STPG2: variants seen among roughly 807,000 people sequenced by gnomAD.
The protein encoded by STPG2 is sperm-tail PG-rich repeat-containing protein 2.
Under a neutral mutation model 54.2 loss-of-function variants are expected in STPG2, and 56 were observed. The observed-to-expected ratio is 1.03, with a 90% CI of 0.83 to 1.29. STPG2 has a LOEUF of 1.29. STPG2 is among the 50% of genes most tolerant of loss of function. The pLI, the probability that STPG2 is intolerant of heterozygous loss-of-function variation, is 0.00. For synonymous variants in STPG2, 200 were observed against 181.8 expected (o/e 1.10, Z -0.81); for missense variants, 596 against 544.9 (o/e 1.09, Z -0.93).
In STPG2 at chr4:97,580,910, A is replaced by C. The variant is rs187864452; in HGVS notation, c.1321-21793T>G. Among the ~76,000 whole-genome samples, 472 of 152,212 alleles carry C rather than the reference A, an allele frequency of 3.1e-3. 12 individuals are homozygous for C. Among genetic ancestry groups the C allele is most frequent in the Admixed American group, 0.026 (389 of 15,242 alleles). On this transcript the variant is annotated intron_variant, in intron 10 of 10. Coordinates refer to ENST00000295268, the MANE Select transcript of STPG2 (RefSeq NM_174952.3). The stretch of plus-strand genomic sequence containing the variant: ...CATTTTAAAGCCTGCTTTGTAAAAA[A>C]TATGCGTTCCTTTGCATTTTCCTAT...
At chr4:97,927,246 T>G (rs1732365853) in intron 8 of STPG2, among the ~76,000 whole-genome samples, 1 of 152,132 alleles carries the variant, frequency 6.6e-6, no homozygotes, top group African/African-American at 2.4e-5. Flanking sequence ...GATACAAAGG[T>G]AGCACAAATT....
At chr4:97,536,085 C>A (rs1731522654) in intron 4 of STPG2, among the ~76,000 whole-genome samples, 1 of 152,192 alleles carries the variant, frequency 6.6e-6, no homozygotes, top group Admixed American at 6.5e-5. Context: ...AAATGATCTT[C>A]CTGCCTCAGA....
chr4:97,689,743 T>C (rs1723306314), intron 10 of STPG2, among the ~76,000 whole-genome samples: 1 of 152,136 alleles, frequency 6.6e-6, no homozygotes, highest in Non-Finnish European at 1.5e-5. Context: ...TTTAATCATT[T>C]AATACTATTT....
intron 10 of STPG2, among the ~76,000 whole-genome samples, chr4:97,609,013 T>G (rs962206650): frequency 3.3e-5 from 5 of 152,108 alleles, no homozygotes; most frequent in African/African-American, 4.8e-5. Flanking sequence ...TTATACCATC[T>G]GTTTAGGTTT....
intron 5 of STPG2, among the ~76,000 whole-genome samples, chr4:98,061,036 A>C (rs1374800785): frequency 6.6e-6 from 1 of 152,232 alleles, no homozygotes; most frequent in Admixed American, 6.5e-5. Flanking sequence ...AGATGCCAAA[A>C]GCAATTGCAA....
At chr4:97,583,705 C>G (rs573989900) in intron 10 of STPG2, among the ~76,000 whole-genome samples, 2 of 151,780 alleles carry the variant, frequency 1.3e-5, no homozygotes, top group South Asian at 4.2e-4. Context: ...CAATGGAAAC[C>G]AAAGGTGAGC....
At chr4:97,967,283 G>C (rs1734139832) in intron 7 of STPG2, among the ~76,000 whole-genome samples, 1 of 151,510 alleles carries the variant, frequency 6.6e-6, no homozygotes, top group Admixed American at 6.6e-5. Context: ...ATTACATAAT[G>C]GTAAAGGGAT....
intron 5 of STPG2, among the ~76,000 whole-genome samples, chr4:98,071,617 G>GGT (rs1738005142): frequency 6.6e-6 from 1 of 152,138 alleles, no homozygotes; most frequent in African/African-American, 2.4e-5. Flanking sequence ...TATCATCAGA[G>GGT]TGAATAGACA....
intron 10 of STPG2, among the ~76,000 whole-genome samples, chr4:97,712,253 A>G (rs1724146435): frequency 6.6e-6 from 1 of 152,136 alleles, no homozygotes; most frequent in African/African-American, 2.4e-5. Context: ...AGACACCTTT[A>G]TTTATTATGA....
At chr4:97,757,618 T>C (rs922185820) in intron 9 of STPG2, among the ~76,000 whole-genome samples, 4 of 152,192 alleles carry the variant, frequency 2.6e-5, no homozygotes, top group Admixed American at 2.6e-4. Flanking sequence ...CTTCTTCTGA[T>C]TAATATTAAC....
intron 10 of STPG2, among the ~76,000 whole-genome samples, chr4:97,630,565 T>C (rs986301261): frequency 3.3e-5 from 5 of 151,892 alleles, no homozygotes; most frequent in African/African-American, 1.2e-4. Flanking sequence ...TAAAACACAT[T>C]GCATCTCACA....
chr4:97,969,294 T>C (rs1220705751), intron 7 of STPG2, among the ~76,000 whole-genome samples: 1 of 152,234 alleles, frequency 6.6e-6, no homozygotes, highest in Non-Finnish European at 1.5e-5. Context: ...GCACACACTA[T>C]GTCGTAAATT....
intron 10 of STPG2, among the ~76,000 whole-genome samples, chr4:97,647,179 T>C (rs551941090): frequency 6.6e-6 from 1 of 152,164 alleles, no homozygotes; most frequent in Non-Finnish European, 1.5e-5. Context: ...AAATGCTTGT[T>C]GGGAGCATGG....
intron 5 of STPG2, among the ~76,000 whole-genome samples, chr4:98,083,772 C>T (rs1056607365): frequency 2.6e-5 from 4 of 152,136 alleles, no homozygotes; most frequent in African/African-American, 4.8e-5. Flanking sequence ...TTACCATCAC[C>T]GTAATGAAGA....
At chr4:97,889,435 T>G (rs954169716) in intron 8 of STPG2, among the ~76,000 whole-genome samples, 1 of 152,150 alleles carries the variant, frequency 6.6e-6, no homozygotes, top group Non-Finnish European at 1.5e-5. Flanking sequence ...TATCAGCAGA[T>G]GAACAGATAA....
intron 8 of STPG2, among the ~76,000 whole-genome samples, chr4:97,849,057 G>A (rs1295524054): frequency 6.6e-6 from 1 of 151,256 alleles, no homozygotes; most frequent in Non-Finnish European, 1.5e-5. Context: ...GTAGCTTGAT[G>A]GGGATGGCAT....
At chr4:97,938,952 A>C (rs1479614604) in intron 8 of STPG2, among the ~76,000 whole-genome samples, 4 of 151,666 alleles carry the variant, frequency 2.6e-5, no homozygotes, top group Non-Finnish European at 5.9e-5. Context: ...ATTCAGTACT[A>C]TGAATTTTCC....
At chr4:97,900,419 G>A (rs1179938514) in intron 8 of STPG2, among the ~76,000 whole-genome samples, 4 of 152,054 alleles carry the variant, frequency 2.6e-5, no homozygotes, top group African/African-American at 7.2e-5. Context: ...TCCCATTACC[G>A]GGTATATTCC....
intron 7 of STPG2, among the ~76,000 whole-genome samples, chr4:97,950,529 T>C (rs755766884): frequency 2.9e-4 from 44 of 152,346 alleles, no homozygotes; most frequent in Non-Finnish European, 5.9e-4. Context: ...TTTCACCTTT[T>C]TCTGGTATCT....
Sources: gnomAD v4.1 joint callset for allele counts (sites outside exome capture counted in the v4.1 genomes callset) on GRCh38, gnomAD v4.1.1 for gene constraint, MANE v1.5 for transcripts, NCBI Gene and HGNC (gene_info 2026-07-23, HGNC 2026-07-21) for gene names.